The following ELOF1 variants were observed in gnomAD, a reference collection of about 807,000 sequenced individuals.
The protein encoded by ELOF1 is transcription elongation factor 1 homolog.
Under a neutral mutation model 7.1 loss-of-function variants are expected in ELOF1, and 4 were observed. That is an observed-to-expected ratio of 0.56 (90% CI 0.28 to 1.29). The LOEUF (loss-of-function observed/expected upper bound fraction) is 1.29, where lower values mean the gene tolerates loss of function less well. Among genes scored for constraint, ELOF1 ranks in the 50% most tolerant of loss-of-function variants. The probability of loss-of-function intolerance (pLI) is 0.10; values close to 1 mark genes in which losing one functional copy is unlikely to be tolerated. For synonymous variants in ELOF1, 31 were observed against 31.9 expected (o/e 0.97, Z 0.09); for missense variants, 59 against 86.3 (o/e 0.68, Z 1.25).
chr19:11,553,298 G>A (rs1972757471), intron 3 of ELOF1: 1 of 418,854 alleles, frequency 2.4e-6, no homozygotes, highest in Non-Finnish European at 4.2e-6. Context: ...TGAGGAGGCT[G>A]GAGAGGTCCT....
chr19:11,554,312 G>A (rs150001226), exon 2 of ELOF1: 1 of 1,613,984 alleles, frequency 6.2e-7, no homozygotes, highest in South Asian at 1.1e-5. Flanking sequence ...TCTTCTTCTT[G>A]GGAGGCGGCT....
At chr19:11,554,062 C>T (rs745870835) in exon 3 of ELOF1, 5 of 1,614,044 alleles carry the variant, frequency 3.1e-6, no homozygotes, top group East Asian at 2.2e-5. Context: ...GAGATGACTC[C>T]GGTGTTGCGG....
intron 1 of ELOF1, among the ~76,000 whole-genome samples, chr19:11,556,753 A>C (rs1972840655): frequency 6.6e-6 from 1 of 152,214 alleles, no homozygotes; most frequent in African/African-American, 2.4e-5. Context: ...GCTGGAGTGC[A>C]GTGGCATGAT....
At chr19:11,554,488 TG>T (rs1972798586) in intron 1 of ELOF1, 123 bp from the exon 2 acceptor site, 2 of 1,386,980 alleles carry the variant, frequency 1.4e-6, no homozygotes, top group Admixed American at 5.4e-5. Context: ...CCTCTGCCCT[TG>T]AGGGACGAGG....
intron 2 of ELOF1, 24 bp from the exon 3 acceptor site, chr19:11,554,105 C>T: frequency 6.2e-7 from 1 of 1,614,206 alleles, no homozygotes; most frequent in African/African-American, 1.3e-5. Flanking sequence ...AGAGAAGGGA[C>T]TGGTGAGCAA....
At chr19:11,558,233 G>T (rs1972861416) in intron 1 of ELOF1, among the ~76,000 whole-genome samples, 1 of 151,720 alleles carries the variant, frequency 6.6e-6, no homozygotes, top group African/African-American at 2.4e-5. Flanking sequence ...TCCTCCCCCT[G>T]CCCCTCTACC....
intron 1 of ELOF1, 76 bp from the exon 2 acceptor site, chr19:11,554,441 G>A (rs1420573258): frequency 7.8e-6 from 12 of 1,548,176 alleles, no homozygotes; most frequent in East Asian, 2.3e-5. Context: ...AAAGCAGGCC[G>A]GAAAGAGGGT....
chr19:11,558,470 G>A (rs1972865801), intron 1 of ELOF1, among the ~76,000 whole-genome samples: 1 of 151,970 alleles, frequency 6.6e-6, no homozygotes. Context: ...CTATCACTTT[G>A]GGACGTCACG....
At chr19:11,553,110 C>T (rs1409676813) in intron 3 of ELOF1, 1 of 401,312 alleles carries the variant, frequency 2.5e-6, no homozygotes. Context: ...GCCCTTGCTT[C>T]CTCTACAAAA....
chr19:11,553,638 T>A, intron 3 of ELOF1: 4 of 1,117,880 alleles, frequency 3.6e-6, no homozygotes, highest in Non-Finnish European at 5.2e-6. Flanking sequence ...CACACGGCTG[T>A]GACAGCCCAG....
In ELOF1 at chr19:11,558,291, T is replaced by A. The variant is rs550346872; in HGVS notation, c.-19+900A>T. Among the ~76,000 whole-genome samples the A allele has an allele frequency of 2.6e-5, 4 of 152,170 alleles. No individual in the cohort carries two copies. The South Asian group carries it at 6.2e-4, about 24-fold the overall frequency. ...GCACCACGCCCAGCTAATTTTTGTA[T>A]TTTTTGTAGAGACAGGGACCCACCA... On this transcript the variant is annotated intron_variant, in intron 1 of 3. Coordinates refer to ENST00000586683, the Ensembl canonical transcript of ELOF1.
intron 1 of ELOF1, chr19:11,554,710 G>T: frequency 3.0e-6 from 1 of 329,352 alleles, no homozygotes; most frequent in Non-Finnish European, 5.5e-6. Flanking sequence ...GGGAAGCTAA[G>T]GTGAGAGGAT....
In ELOF1 at chr19:11,558,155, C is replaced by T. The variant is rs973139416; in HGVS notation, c.-19+1036G>A. ...TCAGCTAACAGCAATTCCATCTTTCCGGATAATCAAATCAGAAACCTTGGA... is the reference window on the plus strand; with the variant it reads ...TCAGCTAACAGCAATTCCATCTTTCTGGATAATCAAATCAGAAACCTTGGA... On this transcript the variant is annotated intron_variant, in intron 1 of 3. Coordinates refer to ENST00000586683, the Ensembl canonical transcript of ELOF1. Among the ~76,000 whole-genome samples, 12 of 152,154 alleles carry T rather than the reference C, an allele frequency of 7.9e-5. No individual in the cohort carries two copies. In the South Asian group the frequency reaches 1.0e-3, roughly 13 times the overall value.
In ELOF1 at chr19:11,553,829, G is replaced by A. The variant is rs369920492; in HGVS notation, c.187+182C>T. 6 of 1,614,054 alleles carry A rather than the reference G, an allele frequency of 3.7e-6. No homozygotes were observed. The African/African-American group carries it at 5.3e-5, about 14-fold the overall frequency. On this transcript the variant is annotated intron_variant, in intron 3 of 3. Coordinates refer to ENST00000586683, the Ensembl canonical transcript of ELOF1. The stretch of plus-strand genomic sequence containing the variant: ...GACAGATCTGGGCCACTTAGGTCAA[G>A]GGCGATCATTGGCATTGGAACCCTG...
intron 1 of ELOF1, among the ~76,000 whole-genome samples, chr19:11,558,424 T>A (rs971439527): frequency 3.4e-4 from 52 of 151,956 alleles, no homozygotes; most frequent in Admixed American, 2.4e-3. Context: ...CAATAACCAT[T>A]ACTGAATAAA....
At chr19:11,554,013 G>A (rs1972784925) in exon 3 of ELOF1, 6 of 1,614,144 alleles carry the variant, frequency 3.7e-6, no homozygotes, top group South Asian at 1.1e-5. Flanking sequence ...AAGGATACAC[G>A]TTATGGGCGT....
At chr19:11,557,185 C>T (rs1290843182) in intron 1 of ELOF1, among the ~76,000 whole-genome samples, 1 of 152,140 alleles carries the variant, frequency 6.6e-6, no homozygotes, top group African/African-American at 2.4e-5. Flanking sequence ...TCCTTCCTCC[C>T]CTGAGAGCAC....
At chr19:11,554,307 T>G in exon 2 of ELOF1, 4 of 1,613,962 alleles carry the variant, frequency 2.5e-6, no homozygotes, top group Non-Finnish European at 3.4e-6. Context: ...TGTCATCTTC[T>G]TCTTGGGAGG....
chr19:11,553,861 A>G, intron 3 of ELOF1, 51 bp from the exon 4 acceptor site: 2 of 1,613,490 alleles, frequency 1.2e-6, no homozygotes, highest in Non-Finnish European at 1.7e-6. Context: ...CCTGCCCTGC[A>G]TCTTCTCACC....
Sources: gnomAD v4.1 joint callset for allele counts (sites outside exome capture counted in the v4.1 genomes callset) on GRCh38, gnomAD v4.1.1 for gene constraint, MANE v1.5 for transcripts, NCBI Gene and HGNC (gene_info 2026-07-23, HGNC 2026-07-21) for gene names.